BRDT: variants seen among roughly 807,000 people sequenced by gnomAD.
The protein encoded by BRDT is bromodomain testis associated, also known as bromodomain testis-specific protein.
A neutral mutation model predicts 113.9 loss-of-function variants in BRDT; 77 were observed. The observed-to-expected ratio is 0.68, with a 90% CI of 0.56 to 0.82. The LOEUF (loss-of-function observed/expected upper bound fraction) is 0.82. Ranked by LOEUF, BRDT falls within the 40% of genes least tolerant of loss-of-function variation. The pLI is 0.00. For synonymous variants in BRDT, 358 were observed against 366.5 expected, an observed-to-expected ratio of 0.98 and a Z score of 0.26; for missense variants, 1,027 against 1,105.4, an observed-to-expected ratio of 0.93 and a Z score of 1.01.
chr1:91,970,895 A>C (rs1423796449), intron 4 of BRDT, among the ~76,000 whole-genome samples: 1 of 141,308 alleles, frequency 7.1e-6, no homozygotes, highest in East Asian at 2.1e-4. Context: ...AGAGCGACAG[A>C]GCAAGACCCT....
chr1:91,953,573 G>A (rs1681374347), intron 1 of BRDT, among the ~76,000 whole-genome samples: 1 of 152,142 alleles, frequency 6.6e-6, no homozygotes, highest in South Asian at 2.1e-4. Flanking sequence ...CCAGCTTCTT[G>A]GGAGGCTGAG....
intron 15 of BRDT, among the ~76,000 whole-genome samples, chr1:91,999,584 C>A (rs928728284): frequency 1.3e-5 from 2 of 152,124 alleles, no homozygotes; most frequent in Admixed American, 6.6e-5. Flanking sequence ...CACAGTCTTA[C>A]TGAATGAATG....
At chr1:91,986,198 G>A (rs562478694) in intron 12 of BRDT, among the ~76,000 whole-genome samples, 42 of 152,276 alleles carry the variant, frequency 2.8e-4, no homozygotes, top group African/African-American at 9.9e-4. Flanking sequence ...TGACTAGGCT[G>A]TGCTAGTATG....
At chr1:91,956,478 C>T (rs568606811) in intron 1 of BRDT, among the ~76,000 whole-genome samples, 1 of 152,314 alleles carries the variant, frequency 6.6e-6, no homozygotes, top group Admixed American at 6.5e-5. Context: ...TGCATTGTCT[C>T]ATACAGTAGC....
intron 3 of BRDT, 122 bp downstream of exon 3, chr1:91,964,886 TG>T: frequency 2.0e-6 from 1 of 507,652 alleles, no homozygotes; most frequent in Non-Finnish European, 3.1e-6. Flanking sequence ...GACGTGTGTG[TG>T]TGTGTGTGTG....
chr1:91,952,565 G>A (rs1681213076), intron 1 of BRDT, among the ~76,000 whole-genome samples: 1 of 102 alleles, frequency 9.8e-3, no homozygotes, highest in Non-Finnish European at 0.021. Flanking sequence ...TTTTAAAGGA[G>A]ACTGACAAAG....
At chr1:91,955,043 T>C (rs1339004215) in intron 1 of BRDT, among the ~76,000 whole-genome samples, 2 of 152,204 alleles carry the variant, frequency 1.3e-5, no homozygotes, top group Non-Finnish European at 2.9e-5. Flanking sequence ...AACTCTGTAC[T>C]TTTTTCCCCT....
rs755872797 is a variant in BRDT, at chr1:91,981,670, GAGC to G, written c.1936_1938del (p.Ser648del). Reference sequence around the variant, plus strand: ...TTGAAAATGTTTCCCGACTGAGTGAGAGCAGCAGCAGCAGCAGCAGCTCATCAG... The same window carrying G: ...TTGAAAATGTTTCCCGACTGAGTGAGAGCAGCAGCAGCAGCAGCTCATCAG... On this transcript the variant is annotated inframe_deletion, in exon 12 of 19. Transcript: ENST00000399546. 6.4e-5 allele frequency: 103 copies of G among 1,609,720 alleles called. No individual in the cohort carries two copies. Among genetic ancestry groups the G allele is most frequent in the East Asian group, 8.9e-5 (4 of 44,720 alleles).
At chr1:91,991,353 T>C in intron 13 of BRDT, 108 bp downstream of exon 13, 1 of 516,646 alleles carries the variant, frequency 1.9e-6, no homozygotes, top group Non-Finnish European at 3.1e-6. Context: ...ACGAAGAAAG[T>C]TGTCACTGTT....
At chr1:92,014,098 T>A in intron 18 of BRDT, 108 bp from the exon 19 acceptor site, 1 of 690,916 alleles carries the variant, frequency 1.4e-6, no homozygotes, top group Non-Finnish European at 2.3e-6. Context: ...TATTGAATAG[T>A]TTTCTTTTGT....
At chr1:91,967,998 A>AT in intron 3 of BRDT, 148 bp from the exon 4 acceptor site, 1 of 695,728 alleles carries the variant, frequency 1.4e-6, no homozygotes, top group East Asian at 2.8e-5. Flanking sequence ...ATAAAATGTG[A>AT]GCAGCTTCAC....
rs55649816 is a variant in BRDT, at chr1:91,968,203, T to C, written c.388T>C (p.Leu130=). The part of the protein sequence containing the change: ...QALEKLFMQK[L]SQMPQEEQVV... ...TCTAGAGAAGCTGTTTATGCAGAAATTATCTCAGATGCCACAAGAAGAGCA... is the reference window on the plus strand; with the variant it reads ...TCTAGAGAAGCTGTTTATGCAGAAACTATCTCAGATGCCACAAGAAGAGCA... The change falls in exon 4 of 19, where the codon TTA becomes CTA. Residue 130 remains leucine (L), a synonymous_variant. Coordinates refer to ENST00000399546, the MANE Select transcript of BRDT (RefSeq NM_207189.4). The C allele has an allele frequency of 2.4e-4, 392 of 1,614,026 alleles. No individual in the cohort carries two copies. In the East Asian group the frequency reaches 8.5e-3, roughly 35 times the overall value.
chr1:91,957,500 A>G (rs1000117573), intron 1 of BRDT: 1 of 152,344 alleles, frequency 6.6e-6, no homozygotes. Context: ...CTCAAAAAAA[A>G]AAAAATTTTA....
In BRDT at chr1:91,992,297, A is replaced by G. The variant is rs1335990607; in HGVS notation, c.2098A>G (p.Arg700Gly). Residue 700 changes from arginine (R) to glycine (G), a missense_variant, in exon 14 of 19, where the codon AGA (arginine) becomes GGA (glycine). By Grantham distance (125) the Arg-to-Gly change is moderately radical (BLOSUM62 -2). Coordinates refer to ENST00000399546, the MANE Select transcript of BRDT (RefSeq NM_207189.4). ...MKNECIPPEG[R>G]TGVTQIGYCV... ...GAATGAATGCATACCGCCTGAAGGAAGAACAGGCGTCACACAGGTAATGCT... is the reference window on the plus strand; with the variant it reads ...GAATGAATGCATACCGCCTGAAGGAGGAACAGGCGTCACACAGGTAATGCT... 2 of 1,518,818 alleles carry G rather than the reference A, an allele frequency of 1.3e-6. No individual in the cohort carries two copies. Among genetic ancestry groups the G allele is most frequent in the Non-Finnish European group, 1.8e-6 (2 of 1,128,548 alleles). The allele number at this position is 1,518,818 out of a possible 1,614,324, so 94.1% of individuals were successfully genotyped here.
At chr1:91,978,663 C>A (rs910608470) in intron 7 of BRDT, among the ~76,000 whole-genome samples, 2 of 152,090 alleles carry the variant, frequency 1.3e-5, no homozygotes, top group African/African-American at 4.8e-5. Flanking sequence ...TAAATGGCTG[C>A]AGGTAATAGA....
At chr1:91,983,035 C>G (rs1684858246) in intron 12 of BRDT, among the ~76,000 whole-genome samples, 1 of 151,900 alleles carries the variant, frequency 6.6e-6, no homozygotes, top group African/African-American at 2.4e-5. Context: ...TTTGAATTAT[C>G]TAATTATAAT....
At chr1:92,000,129 TGG>T (rs1187757289) in intron 15 of BRDT, among the ~76,000 whole-genome samples, 1 of 152,224 alleles carries the variant, frequency 6.6e-6, no homozygotes, top group Non-Finnish European at 1.5e-5. Context: ...CCTCCCGCCT[TGG>T]CCTCCCAAAG....
At chr1:91,977,445 T>G in intron 6 of BRDT, 52 bp downstream of exon 6, 1 of 1,330,392 alleles carries the variant, frequency 7.5e-7, no homozygotes, top group East Asian at 2.4e-5. Flanking sequence ...ATAAAAGTAA[T>G]TCATCATTGC....
intron 4 of BRDT, among the ~76,000 whole-genome samples, chr1:91,968,911 ATTAT>A (rs141543100): frequency 0.014 from 2,020 of 147,776 alleles, 26 homozygotes; most frequent in African/African-American, 0.025. Flanking sequence ...TATCAGGAAA[ATTAT>A]TTATTTATTT....
Sources: allele counts gnomAD v4.1 joint callset (sites outside exome capture counted in the v4.1 genomes callset), GRCh38; gene constraint gnomAD v4.1.1; transcripts MANE v1.5; gene names NCBI Gene and HGNC (gene_info 2026-07-23, HGNC 2026-07-21).